USP50: variants seen among roughly 807,000 people sequenced by gnomAD.
USP50 encodes ubiquitin carboxyl-terminal hydrolase 50.
A neutral mutation model predicts 39.2 loss-of-function variants in USP50; 37 were observed. The ratio of observed to expected loss-of-function variants is 0.94; its 90% CI spans 0.73 to 1.24. USP50 has a LOEUF of 1.24. Ranked by LOEUF, USP50 falls within the 50% of genes most tolerant of loss-of-function variation. The pLI is 0.00. For synonymous variants in USP50, 139 were observed against 144.5 expected (o/e 0.96, Z 0.27); for missense variants, 374 against 398.2 (o/e 0.94, Z 0.52).
At chr15:50,532,318 G>A (rs996323609) in intron 5 of USP50, 3 of 428,834 alleles carry the variant, frequency 7.0e-6, no homozygotes, top group Middle Eastern at 6.9e-4. Flanking sequence ...ATTAACCAGA[G>A]CCTAACCTGC....
chr15:50,530,005 T>G, intron 5 of USP50, 76 bp from the exon 6 acceptor site: 1 of 1,577,944 alleles, frequency 6.3e-7, no homozygotes. Flanking sequence ...AAATTCCGAG[T>G]ATTTTAAAAG....
At chr15:50,539,200 C>T (rs1373423339) in intron 4 of USP50, among the ~76,000 whole-genome samples, 1 of 150,352 alleles carries the variant, frequency 6.7e-6, no homozygotes, top group Non-Finnish European at 1.5e-5. Context: ...ACCTCCACCT[C>T]CCAGTTCAAG....
chr15:50,498,465 A>T (rs1415121822), downstream of USP50: 1 of 1,212,716 alleles, frequency 8.2e-7, no homozygotes, highest in Non-Finnish European at 1.1e-6. Context: ...AGGTTCCTCT[A>T]CTACTAAAAT....
chr15:50,539,069 T>G (rs1008834829), intron 4 of USP50, among the ~76,000 whole-genome samples: 1 of 152,036 alleles, frequency 6.6e-6, no homozygotes, highest in Non-Finnish European at 1.5e-5. Context: ...TGGATTTGAG[T>G]GCCTACCTCA....
At chr15:50,508,535 T>G (rs977940533) in intron 6 of USP50, 5 of 152,066 alleles carry the variant, frequency 3.3e-5, no homozygotes, top group African/African-American at 1.2e-4. Flanking sequence ...ATAGACTGAG[T>G]GTTAATACAC....
intron 6 of USP50, chr15:50,508,363 T>C (rs1309375648): frequency 1.3e-5 from 2 of 152,228 alleles, no homozygotes; most frequent in Non-Finnish European, 2.9e-5. Context: ...ATTGATCATT[T>C]ATTTTATATT....
At chr15:50,500,076 G>A (rs917057211), downstream of USP50, 1 of 152,164 alleles carries the variant, frequency 6.6e-6, no homozygotes, top group Non-Finnish European at 1.5e-5. Flanking sequence ...TATATAGTCA[G>A]TAAAACACTC....
Position 50,521,703 on chromosome 15 carries a change from C to T in USP50, c.936+8094G>A, listed in dbSNP as rs192306131. ...TGAAGCCGAGTACAATGGCTCATGC[C>T]TGTAATCCCAGCACTTTGGGAGGCC... On this transcript the variant is annotated intron_variant, in intron 6 of 6. Coordinates refer to ENST00000532404, the MANE Select transcript of USP50 (RefSeq NM_203494.5). Among the ~76,000 whole-genome samples, 1,334 of 152,336 alleles carry T rather than the reference C, an allele frequency of 8.8e-3. 14 individuals are homozygous for T. Among genetic ancestry groups the T allele is most frequent in the Middle Eastern group, 0.048 (14 of 294 alleles).
intron 4 of USP50, among the ~76,000 whole-genome samples, chr15:50,539,615 C>T (rs76378065): frequency 0.016 from 2,494 of 151,908 alleles, 82 homozygotes; most frequent in African/African-American, 0.058. Flanking sequence ...GGGGTTTCAC[C>T]ATGTTGGCCG....
intron 5 of USP50, among the ~76,000 whole-genome samples, chr15:50,537,873 A>AGGGAGGGGAGGGGAG (rs1181651378): frequency 4.5e-5 from 1 of 22,178 alleles, no homozygotes; most frequent in Non-Finnish European, 8.1e-5. Flanking sequence ...AGGGGAGGGG[A>AGGGAGGGGAGGGGAG]GGGAGGGGAG....
At chr15:50,498,381 A>G, downstream of USP50, 2 of 529,518 alleles carry the variant, frequency 3.8e-6, no homozygotes, top group South Asian at 6.8e-5. Flanking sequence ...GTTTGACCTT[A>G]GGCACATCAT....
chr15:50,545,087 T>A (rs1056119742), intron 1 of USP50, among the ~76,000 whole-genome samples: 52 of 152,084 alleles, frequency 3.4e-4, no homozygotes, highest in African/African-American at 1.3e-3. Flanking sequence ...CATAAATAAA[T>A]TAAATTAAAA....
At chr15:50,537,285 T>C (rs2052987412) in intron 5 of USP50, among the ~76,000 whole-genome samples, 1 of 151,572 alleles carries the variant, frequency 6.6e-6, no homozygotes, top group South Asian at 2.1e-4. Flanking sequence ...CCTTACACCC[T>C]TCACAAAAAT....
At chr15:50,498,484 T>A (rs1248467317), downstream of USP50, 1 of 1,367,720 alleles carries the variant, frequency 7.3e-7, no homozygotes, top group Non-Finnish European at 9.7e-7. Flanking sequence ...ATTCCAAGTC[T>A]TTGTATTTGA....
chr15:50,514,994 TAAA>T (rs386382963), intron 6 of USP50, among the ~76,000 whole-genome samples: 3 of 74,620 alleles, frequency 4.0e-5, no homozygotes. Flanking sequence ...AGACACAGTC[TAAA>T]AAAAAAAAAA....
At chr15:50,544,868 A>G (rs2141383027) in intron 1 of USP50, 87 bp from the exon 2 acceptor site, 1 of 1,287,898 alleles carries the variant, frequency 7.8e-7, no homozygotes, top group South Asian at 1.5e-5. Flanking sequence ...ATTATGAAAT[A>G]AAGAAGAGTT....
rs200368959 is a variant in USP50 at position 50,525,683 on chromosome 15, T to TG, written c.936+4113_936+4114insC. Among the ~76,000 whole-genome samples, 285 of 128,650 alleles carry TG rather than the reference T, an allele frequency of 2.2e-3. 12 individuals are homozygous for TG. The highest frequency in any genetic ancestry group is 9.1e-3 in the Admixed American group (104 of 11,368). 84.4% of individuals were successfully genotyped at this position (128,650 alleles called of 152,430 possible). On this transcript the variant is annotated intron_variant, in intron 6 of 6. Transcript: ENST00000532404. ...ATATATGTATATGTATATATGTATA[T>TG]TATATATGTATATGTATATATATGT...
chr15:50,546,052 C>G (rs190511357), intron 1 of USP50, among the ~76,000 whole-genome samples: 27 of 151,852 alleles, frequency 1.8e-4, no homozygotes, highest in Admixed American at 1.1e-3. Flanking sequence ...GACCTCCTCT[C>G]CCTGCACAGA....
At chr15:50,520,488 C>T (rs988038363) in intron 6 of USP50, among the ~76,000 whole-genome samples, 26 of 151,726 alleles carry the variant, frequency 1.7e-4, no homozygotes, top group Admixed American at 1.3e-4. Context: ...TTTGTAGAGA[C>T]GGGGTGTCAC....
Sources: gnomAD v4.1 joint callset for allele counts (sites outside exome capture counted in the v4.1 genomes callset) on GRCh38, gnomAD v4.1.1 for gene constraint, MANE v1.5 for transcripts, NCBI Gene and HGNC (gene_info 2026-07-23, HGNC 2026-07-21) for gene names.